FRMD4A: variants seen among roughly 807,000 people sequenced by gnomAD.
FRMD4A encodes FERM domain containing 4A.
Under a neutral mutation model 129.1 loss-of-function variants are expected in FRMD4A, and 29 were observed. That is an observed-to-expected ratio of 0.22 (90% confidence interval 0.17 to 0.31). FRMD4A has a LOEUF of 0.31. Among genes scored for constraint, FRMD4A ranks in the 10% least tolerant of loss-of-function variants. FRMD4A has a pLI of 1.00. For synonymous variants in FRMD4A, 634 were observed against 571.6 expected (o/e 1.11, Z -1.56); for missense variants, 1,272 against 1,375.8 (o/e 0.92, Z 1.19).
chr10:14,031,311 A>T (rs1305507129), intron 2 of FRMD4A, among the ~76,000 whole-genome samples: 2 of 149,682 alleles, frequency 1.3e-5, no homozygotes, highest in Non-Finnish European at 3.0e-5. Flanking sequence ...CTTGTTGCCT[A>T]GGCTGGAGTG....
intron 15 of FRMD4A, among the ~76,000 whole-genome samples, chr10:13,690,790 C>G (rs960663302): frequency 6.6e-6 from 1 of 152,142 alleles, no homozygotes; most frequent in African/African-American, 2.4e-5. Flanking sequence ...GGGGCCCCAG[C>G]GCTGAATGAT....
At chr10:14,100,097 C>T (rs1197400185) in intron 2 of FRMD4A, among the ~76,000 whole-genome samples, 1 of 152,356 alleles carries the variant, frequency 6.6e-6, no homozygotes, top group South Asian at 2.1e-4. Context: ...GCAGTCAGCT[C>T]AGCAAACCCA....
At chr10:14,041,901 T>C (rs1162422548) in intron 2 of FRMD4A, among the ~76,000 whole-genome samples, 1 of 152,160 alleles carries the variant, frequency 6.6e-6, no homozygotes, top group African/African-American at 2.4e-5. Context: ...ACAGGGGCTA[T>C]GTTTGTGGAG....
At chr10:14,221,628 T>C (rs879876730) in intron 2 of FRMD4A, among the ~76,000 whole-genome samples, 1 of 152,094 alleles carries the variant, frequency 6.6e-6, no homozygotes, top group Non-Finnish European at 1.5e-5. Flanking sequence ...GGTGTGATCA[T>C]GGCTAACTCC....
intron 12 of FRMD4A, among the ~76,000 whole-genome samples, chr10:13,723,530 G>T (rs750825264): frequency 6.6e-6 from 1 of 152,212 alleles, no homozygotes; most frequent in African/African-American, 2.4e-5. Flanking sequence ...GTTGCGCAAT[G>T]ATGGGGATAT....
At chr10:13,766,487 C>A (rs1391849870) in intron 6 of FRMD4A, among the ~76,000 whole-genome samples, 1 of 152,196 alleles carries the variant, frequency 6.6e-6, no homozygotes, top group East Asian at 1.9e-4. Flanking sequence ...GAAAGAGCTG[C>A]ATTATTATTT....
At chr10:13,760,497 T>A (rs1236908556) in intron 8 of FRMD4A, among the ~76,000 whole-genome samples, 1 of 151,810 alleles carries the variant, frequency 6.6e-6, no homozygotes, top group Non-Finnish European at 1.5e-5. Context: ...CCAGCCTGGG[T>A]AACAGAAGGA....
intron 6 of FRMD4A, among the ~76,000 whole-genome samples, chr10:13,779,153 C>G (rs1000157559): frequency 3.9e-5 from 6 of 152,042 alleles, no homozygotes; most frequent in Non-Finnish European, 2.9e-5. Context: ...CCCATCTCTA[C>G]TAAAAATACA....
At chr10:13,724,658 T>C (rs1012695618) in intron 12 of FRMD4A, among the ~76,000 whole-genome samples, 6 of 152,184 alleles carry the variant, frequency 3.9e-5, no homozygotes, top group African/African-American at 1.4e-4. Context: ...TGTAGAGTTA[T>C]TTAGAAGCCA....
chr10:14,279,401 G>T (rs1022450674), intron 2 of FRMD4A, among the ~76,000 whole-genome samples: 7 of 151,754 alleles, frequency 4.6e-5, no homozygotes, highest in Non-Finnish European at 8.8e-5. Flanking sequence ...GTTTCACCAG[G>T]TTGGCCAGGC....
chr10:14,016,686 A>G (rs2095700258), intron 2 of FRMD4A, among the ~76,000 whole-genome samples: 1 of 152,090 alleles, frequency 6.6e-6, no homozygotes, highest in South Asian at 2.1e-4. Context: ...CCATCAAATG[A>G]AAATCACACA....
At chr10:13,666,073 G>T (rs764121779) in intron 18 of FRMD4A, 24 bp downstream of exon 18, 1 of 1,452,290 alleles carries the variant, frequency 6.9e-7, no homozygotes. Flanking sequence ...GGAGTGGGGT[G>T]GGGGCAGCCC....
intron 2 of FRMD4A, among the ~76,000 whole-genome samples, chr10:14,329,512 G>C (rs752630784): frequency 5.3e-5 from 8 of 152,168 alleles, no homozygotes; most frequent in Non-Finnish European, 1.2e-4. Flanking sequence ...GCCAAGGTTG[G>C]CCATCAATGG....
rs572085492 is a variant in FRMD4A at position 13,677,566 on chromosome 10, G to A, written c.1118-2522C>T. 2.0e-5 allele frequency among the ~76,000 whole-genome samples: 3 copies of A among 152,262 alleles called. No homozygotes were observed. In the East Asian group the frequency reaches 5.8e-4, roughly 29 times the overall value. On this transcript the variant is annotated intron_variant, in intron 15 of 24. Coordinates refer to ENST00000357447, the MANE Select transcript of FRMD4A (RefSeq NM_018027.5). ...GGTTCTCAGGTACTAAATCCATATA[G>A]TGTCATATTCACACAGCACATCGCT... is the stretch of plus-strand genomic sequence containing the variant.
chr10:14,325,597 T>C (rs17251862), intron 2 of FRMD4A, among the ~76,000 whole-genome samples: 30,966 of 152,292 alleles, frequency 0.2, 3,920 homozygotes, highest in Middle Eastern at 0.29. Context: ...ATAGTTCTTA[T>C]GTGATTCTCT....
intron 2 of FRMD4A, among the ~76,000 whole-genome samples, chr10:13,965,070 T>TTTC (rs2095476933): frequency 6.6e-6 from 1 of 151,466 alleles, no homozygotes; most frequent in Non-Finnish European, 1.5e-5. Flanking sequence ...TGGGCATTTT[T>TTTC]TTTTTTTTTT....
chr10:14,288,204 T>C (rs1418328500), intron 2 of FRMD4A, among the ~76,000 whole-genome samples: 1 of 152,164 alleles, frequency 6.6e-6, no homozygotes, highest in Non-Finnish European at 1.5e-5. Context: ...GGTGGATTCA[T>C]AACAAAGTTC....
At chr10:14,034,675 G>T (rs1011999004) in intron 2 of FRMD4A, among the ~76,000 whole-genome samples, 2 of 152,164 alleles carry the variant, frequency 1.3e-5, no homozygotes, top group Non-Finnish European at 2.9e-5. Flanking sequence ...TGAGCTCCTT[G>T]TTCAGCTTAC....
chr10:14,261,488 C>T (rs1844799254), intron 2 of FRMD4A, among the ~76,000 whole-genome samples: 1 of 152,172 alleles, frequency 6.6e-6, no homozygotes. Flanking sequence ...TCTCTGAGGA[C>T]TCAAATTAAA....
Sources: allele counts gnomAD v4.1 joint callset (sites outside exome capture counted in the v4.1 genomes callset), GRCh38; gene constraint gnomAD v4.1.1; transcripts MANE v1.5; gene names NCBI Gene and HGNC (gene_info 2026-07-23, HGNC 2026-07-21).